THADA: variants seen among roughly 807,000 people sequenced by gnomAD.
THADA encodes the protein THADA armadillo repeat containing.
Under a neutral mutation model 219.8 loss-of-function variants are expected in THADA, and 213 were observed. That is an observed-to-expected ratio of 0.97 (90% CI 0.87 to 1.09). The LOEUF (loss-of-function observed/expected upper bound fraction) is 1.09. THADA is among the 50% of genes least tolerant of loss of function. The pLI, the probability that THADA is intolerant of heterozygous loss-of-function variation, is 0.00. For synonymous variants in THADA, 1,018 were observed against 828.9 expected (o/e 1.23, Z -3.92); for missense variants, 2,956 against 2,311.3 (o/e 1.28, Z -5.72).
At chr2:43,385,353 T>C (rs1419796734) in intron 29 of THADA, among the ~76,000 whole-genome samples, 1 of 152,036 alleles carries the variant, frequency 6.6e-6, no homozygotes, top group Non-Finnish European at 1.5e-5. Context: ...ATGCCTGTAA[T>C]CCCAGCACTT....
At chr2:43,441,412 TA>T (rs1680826200) in intron 26 of THADA, among the ~76,000 whole-genome samples, 1 of 152,250 alleles carries the variant, frequency 6.6e-6, no homozygotes, top group Non-Finnish European at 1.5e-5. Context: ...GTTAAATATT[TA>T]CATAGTATGT....
intron 25 of THADA, among the ~76,000 whole-genome samples, chr2:43,496,174 T>C (rs376755344): frequency 6.6e-6 from 1 of 152,300 alleles, no homozygotes; most frequent in East Asian, 1.9e-4. Flanking sequence ...TCTAGCTTCT[T>C]TTCTCTTCTC....
At chr2:43,495,249 TTAAG>T (rs1688119600) in intron 25 of THADA, among the ~76,000 whole-genome samples, 1 of 152,212 alleles carries the variant, frequency 6.6e-6, no homozygotes, top group African/African-American at 2.4e-5. Context: ...ATTGATAATA[TTAAG>T]TAACAGTGTT....
chr2:43,447,621 T>C (rs1681744486), intron 26 of THADA, among the ~76,000 whole-genome samples: 1 of 152,168 alleles, frequency 6.6e-6, no homozygotes, highest in African/African-American at 2.4e-5. Flanking sequence ...GTTATTCCTG[T>C]CATATCCAAG....
At chr2:43,275,339 G>T (rs951579962) in intron 36 of THADA, among the ~76,000 whole-genome samples, 6 of 152,120 alleles carry the variant, frequency 3.9e-5, no homozygotes, top group African/African-American at 1.4e-4. Context: ...AATGGAGACG[G>T]GAATGGGAGG....
intron 25 of THADA, among the ~76,000 whole-genome samples, chr2:43,495,039 T>G (rs1309245756): frequency 6.6e-6 from 1 of 152,212 alleles, no homozygotes; most frequent in African/African-American, 2.4e-5. Context: ...CACAGTTATA[T>G]TCCCAAGAGG....
At chr2:43,244,304 A>G (rs1668911919) in intron 36 of THADA, among the ~76,000 whole-genome samples, 1 of 152,238 alleles carries the variant, frequency 6.6e-6, no homozygotes, top group African/African-American at 2.4e-5. Context: ...AAATACTTGC[A>G]TTTGTTCACT....
At chr2:43,457,456 T>C (rs1236439045) in intron 26 of THADA, among the ~76,000 whole-genome samples, 2 of 152,172 alleles carry the variant, frequency 1.3e-5, no homozygotes, top group Non-Finnish European at 2.9e-5. Flanking sequence ...ACTAAAATAA[T>C]TTAAAGTCAA....
At chr2:43,335,873 T>C (rs1048855855) in intron 30 of THADA, among the ~76,000 whole-genome samples, 7 of 149,030 alleles carry the variant, frequency 4.7e-5, no homozygotes, top group Non-Finnish European at 1.0e-4. Context: ...CCGAGGCAGG[T>C]GGATCATGAG....
In THADA at chr2:43,569,006, C is replaced by T. The variant is rs367585560; in HGVS notation, c.2187+1382G>A. 5.9e-5 allele frequency among the ~76,000 whole-genome samples: 9 copies of T among 152,288 alleles called. No individual in the cohort carries two copies. The East Asian group carries it at 1.7e-3, about 29-fold the overall frequency. On this transcript the variant is annotated intron_variant, in intron 14 of 37. Coordinates refer to ENST00000405975, the MANE Select transcript of THADA (RefSeq NM_022065.5). ...TTTTTTGAAGCAGGGTCTCGCTGCT[C>T]TGTTGCTCAGGATGGAGTGCAGTGC...
intron 22 of THADA, among the ~76,000 whole-genome samples, chr2:43,525,443 G>A (rs368609867): frequency 1.1e-4 from 17 of 152,282 alleles, no homozygotes; most frequent in African/African-American, 4.1e-4. Flanking sequence ...TTCCAAGGCT[G>A]GGTCAGAAAA....
intron 29 of THADA, among the ~76,000 whole-genome samples, chr2:43,387,651 C>T (rs1444901766): frequency 6.6e-6 from 1 of 152,068 alleles, no homozygotes; most frequent in South Asian, 2.1e-4. Flanking sequence ...GCAATTTTGC[C>T]CCCGCCTCCG....
rs1041953377 is a variant in THADA at position 43,574,245 on chromosome 2, T to C, written c.1729+91A>G. The C allele has an allele frequency of 4.5e-6, 4 of 888,466 alleles. No homozygotes were observed. In the African/African-American group the frequency reaches 5.1e-5, roughly 11 times the overall value. The allele number at this position is 888,466 out of a possible 1,614,324, so 55.0% of individuals were successfully genotyped here. ...TCCTTTACTATTTATAGAAGTGATA[T>C]TTAAATTTGAATATGATTAGTATCT... On this transcript the variant is annotated intron_variant, in intron 11 of 37. Transcript: ENST00000405975.
intron 25 of THADA, among the ~76,000 whole-genome samples, chr2:43,497,040 G>C (rs1399496354): frequency 6.6e-6 from 1 of 152,156 alleles, no homozygotes; most frequent in Non-Finnish European, 1.5e-5. Context: ...AGAAACAACA[G>C]ATGCTGGTAA....
Position 43,574,543 on chromosome 2 carries a change from G to A in THADA, c.1522C>T (p.His508Tyr). ...CTCTCAGCAGTCTGGGATTTCAAATGACTCTTATGATTTCTAAACATGGTT... is the reference window on the plus strand; with the variant it reads ...CTCTCAGCAGTCTGGGATTTCAAATAACTCTTATGATTTCTAAACATGGTT... ...LETMFRNHKS[H>Y]LKSQTAESSW... Residue 508 changes from histidine to tyrosine, a missense_variant, in exon 11 of 38, where the codon CAT (histidine) becomes TAT (tyrosine). By Grantham distance (83) the His-to-Tyr change is moderately conservative. Coordinates refer to ENST00000405975, the MANE Select transcript of THADA (RefSeq NM_022065.5). 1 of 1,613,966 alleles carries A rather than the reference G, an allele frequency of 6.2e-7. No individual in the cohort carries two copies. Among genetic ancestry groups the A allele is most frequent in the Non-Finnish European group, 8.5e-7 (1 of 1,179,882 alleles).
intron 30 of THADA, among the ~76,000 whole-genome samples, chr2:43,334,361 T>G (rs945771702): frequency 6.6e-6 from 1 of 151,992 alleles, no homozygotes; most frequent in African/African-American, 2.4e-5. Flanking sequence ...GGGAAGTGGA[T>G]AGATTATTAG....
chr2:43,302,767 T>C (rs1295293545), intron 31 of THADA, among the ~76,000 whole-genome samples: 4 of 152,112 alleles, frequency 2.6e-5, no homozygotes, highest in African/African-American at 9.7e-5. Flanking sequence ...AAGAAAAAGA[T>C]GTAGCCAGGT....
chr2:43,374,425 A>G (rs1018828301), intron 29 of THADA, among the ~76,000 whole-genome samples: 15 of 152,226 alleles, frequency 9.9e-5, no homozygotes, highest in Admixed American at 9.8e-4. Context: ...GGATTCAATC[A>G]GCAAATATAT....
intron 24 of THADA, 122 bp from the exon 25 acceptor site, chr2:43,499,077 C>A: frequency 9.5e-7 from 1 of 1,056,340 alleles, no homozygotes; most frequent in Non-Finnish European, 1.3e-6. Context: ...ATGGATAATC[C>A]GCAAATGAAA....
Sources: allele counts gnomAD v4.1 joint callset (sites outside exome capture counted in the v4.1 genomes callset), GRCh38; gene constraint gnomAD v4.1.1; transcripts MANE v1.5; gene names NCBI Gene and HGNC (gene_info 2026-07-23, HGNC 2026-07-21).